KCNJ6: variants seen among roughly 807,000 people sequenced by gnomAD.
The protein encoded by KCNJ6 is potassium inwardly rectifying channel subfamily J member 6.
KCNJ6 carries 9 observed loss-of-function variants against 34.2 expected under a neutral mutation model. The ratio of observed to expected loss-of-function variants is 0.26; its 90% CI spans 0.16 to 0.46. The LOEUF is 0.46. KCNJ6 is among the 20% of genes least tolerant of loss of function. The pLI is 1.00. For missense variants in KCNJ6, 236 were observed against 531.3 expected (o/e 0.44, Z 5.46); for synonymous variants, 196 against 207.1 (o/e 0.95, Z 0.46).
chr21:37,813,536 G>T (rs1458951748), intron 2 of KCNJ6, among the ~76,000 whole-genome samples: 1 of 152,132 alleles, frequency 6.6e-6, no homozygotes, highest in African/African-American at 2.4e-5. Flanking sequence ...AAACAACAGG[G>T]TACTGGCATA....
chr21:37,749,890 T>C (rs2835932), intron 2 of KCNJ6, among the ~76,000 whole-genome samples: 10,435 of 152,254 alleles, frequency 0.069, 706 homozygotes, highest in African/African-American at 0.18. Context: ...ATCATACCTA[T>C]GCAGCCTGCC....
intron 3 of KCNJ6, among the ~76,000 whole-genome samples, chr21:37,710,343 G>T (rs112023754): frequency 6.6e-6 from 1 of 152,184 alleles, no homozygotes. Context: ...TGCAGATGAG[G>T]ATGATGTGAT....
intron 1 of KCNJ6, among the ~76,000 whole-genome samples, chr21:37,857,836 T>C (rs2055572840): frequency 6.6e-6 from 1 of 151,958 alleles, no homozygotes; most frequent in African/African-American, 2.4e-5. Flanking sequence ...AAAGCAAATA[T>C]AGAAATAGTA....
At chr21:37,787,345 T>G (rs934059925) in intron 2 of KCNJ6, among the ~76,000 whole-genome samples, 1 of 152,116 alleles carries the variant, frequency 6.6e-6, no homozygotes, top group Non-Finnish European at 1.5e-5. Context: ...CTCAAGGAGC[T>G]CTACATCCCT....
At position 37,684,173 on chromosome 21, in the gene KCNJ6, G is replaced by C. The variant is rs371519912; in HGVS notation, c.946+30038C>G. 1.4e-4 allele frequency among the ~76,000 whole-genome samples: 21 copies of C among 152,332 alleles called. No homozygotes were observed. The East Asian group carries it at 3.3e-3, about 24-fold the overall frequency. On this transcript the variant is annotated intron_variant, in intron 3 of 3. Transcript: ENST00000609713. ...CTGGAGGCTGGAAGCTGAGATCCAG[G>C]TGTTGGCAGGGTTGGTTCCTCCTGA... is the stretch of plus-strand genomic sequence containing the variant.
At position 37,863,846 on chromosome 21, in the gene KCNJ6, G is replaced by GTTTTTT. The variant is rs772060420; in HGVS notation, c.-27-23143_-27-23138dup. Among the ~76,000 whole-genome samples, 168 of 97,050 alleles carry GTTTTTT rather than the reference G, an allele frequency of 1.7e-3. 25 individuals carry two copies. The highest frequency in any genetic ancestry group is 5.0e-3 in the African/African-American group (116 of 23,076). 63.7% of individuals were successfully genotyped at this position (97,050 alleles called of 152,430 possible). On this transcript the variant is annotated intron_variant, in intron 1 of 3. Transcript: ENST00000609713. The stretch of plus-strand genomic sequence containing the variant: ...CTTTAAGCAATTTTAAAATATAAAG[G>GTTTTTT]TTTTTTTTTTTTTGTTTTTTTTTTT...
chr21:37,807,030 A>T lies in KCNJ6; in HGVS notation c.25+33628T>A, dbSNP rs979435545. Among the ~76,000 whole-genome samples, 4 of 152,304 alleles carry T rather than the reference A, an allele frequency of 2.6e-5. No homozygotes were observed. The East Asian group carries it at 7.7e-4, about 29-fold the overall frequency. ...TTTCTCAGCATCATTTATTTTAAAA[A>T]TTTTGTAACAATTTAGAAAGGTTGT... is the stretch of plus-strand genomic sequence containing the variant. On this transcript the variant is annotated intron_variant, in intron 2 of 3. Coordinates refer to ENST00000609713, the MANE Select transcript of KCNJ6 (RefSeq NM_002240.5).
chr21:37,877,870 C>T (rs1028616484), intron 1 of KCNJ6, among the ~76,000 whole-genome samples: 4 of 152,170 alleles, frequency 2.6e-5, no homozygotes, highest in Non-Finnish European at 4.4e-5. Context: ...CTTTTTCTGG[C>T]GCATGCCGGA....
intron 2 of KCNJ6, among the ~76,000 whole-genome samples, chr21:37,791,081 C>G (rs915717987): frequency 2.6e-5 from 4 of 152,208 alleles, no homozygotes; most frequent in African/African-American, 9.6e-5. Flanking sequence ...CTCCATGGTG[C>G]TGTTGGAACA....
chr21:37,676,518 G>A (rs76270508), intron 3 of KCNJ6, among the ~76,000 whole-genome samples: 4,036 of 152,330 alleles, frequency 0.026, 167 homozygotes, highest in African/African-American at 0.087. Flanking sequence ...GTGGGTGGGC[G>A]TATGAGGTGC....
At chr21:37,725,308 G>A (rs576266372) in intron 2 of KCNJ6, among the ~76,000 whole-genome samples, 3 of 152,240 alleles carry the variant, frequency 2.0e-5, no homozygotes, top group East Asian at 1.9e-4. Flanking sequence ...CAAGAGAATC[G>A]CTTGAACCTG....
chr21:37,842,018 T>C (rs914368063), intron 1 of KCNJ6, among the ~76,000 whole-genome samples: 2 of 152,144 alleles, frequency 1.3e-5, no homozygotes, highest in Non-Finnish European at 2.9e-5. Flanking sequence ...TACCTGACAG[T>C]GTATAAAAGT....
intron 2 of KCNJ6, among the ~76,000 whole-genome samples, chr21:37,729,265 G>A (rs1417282003): frequency 6.7e-6 from 1 of 150,156 alleles, no homozygotes; most frequent in Non-Finnish European, 1.5e-5. Flanking sequence ...GCTTAAAGGA[G>A]ATAAACGCCA....
intron 3 of KCNJ6, among the ~76,000 whole-genome samples, chr21:37,670,868 G>A (rs2054538160): frequency 6.6e-6 from 1 of 151,514 alleles, no homozygotes; most frequent in Non-Finnish European, 1.5e-5. Flanking sequence ...TCTTTCAGCA[G>A]GACCTTATGA....
At chr21:37,882,067 T>C (rs1568883663) in intron 1 of KCNJ6, among the ~76,000 whole-genome samples, 1 of 152,196 alleles carries the variant, frequency 6.6e-6, no homozygotes, top group African/African-American at 2.4e-5. Flanking sequence ...CTTAAGGTTG[T>C]TACAAGTGGG....
chr21:37,818,700 T>C (rs1411366328), intron 2 of KCNJ6, among the ~76,000 whole-genome samples: 3 of 152,238 alleles, frequency 2.0e-5, no homozygotes, highest in Non-Finnish European at 2.9e-5. Context: ...TACTTTTCGA[T>C]TCACTGAGAA....
At chr21:37,909,369 CTT>C (rs763546640) in intron 1 of KCNJ6, among the ~76,000 whole-genome samples, 21 of 143,162 alleles carry the variant, frequency 1.5e-4, no homozygotes, top group East Asian at 4.1e-4. Flanking sequence ...GCACAAAGAA[CTT>C]TTTTTTTTTT....
intron 3 of KCNJ6, among the ~76,000 whole-genome samples, chr21:37,673,556 T>A (rs1436835113): frequency 6.6e-6 from 1 of 152,226 alleles, no homozygotes; most frequent in Admixed American, 6.5e-5. Context: ...CTCACTTGTG[T>A]CTGTGTTGTG....
At chr21:37,744,626 C>T (rs1386133239) in intron 2 of KCNJ6, among the ~76,000 whole-genome samples, 5 of 152,152 alleles carry the variant, frequency 3.3e-5, no homozygotes, top group African/African-American at 1.2e-4. Context: ...TAAGTAGTTG[C>T]TGAACTAAGG....
Sources: gnomAD v4.1 joint callset for allele counts (sites outside exome capture counted in the v4.1 genomes callset) on GRCh38, gnomAD v4.1.1 for gene constraint, MANE v1.5 for transcripts, NCBI Gene and HGNC (gene_info 2026-07-23, HGNC 2026-07-21) for gene names.